Variants in SRPK2 observed in about 807,000 individuals in gnomAD.
SRPK2 encodes SFRS protein kinase 2.
In SRPK2, 21 loss-of-function variants were observed where a neutral mutation model predicts 90.8. That is an observed-to-expected ratio of 0.23 (90% CI 0.16 to 0.33). The LOEUF is 0.33. Ranked by LOEUF, SRPK2 falls within the 10% of genes least tolerant of loss-of-function variation. The probability of loss-of-function intolerance (pLI) is 1.00; values close to 1 mark genes in which losing one functional copy is unlikely to be tolerated. For missense variants in SRPK2, 620 were observed against 869.0 expected, an observed-to-expected ratio of 0.71 and a Z score of 3.60; for synonymous variants, 288 against 311.1, an observed-to-expected ratio of 0.93 and a Z score of 0.78.
chr7:105,216,669 A>AAG (rs1274316428), intron 2 of SRPK2, among the ~76,000 whole-genome samples: 45 of 149,300 alleles, frequency 3.0e-4, no homozygotes, highest in South Asian at 4.2e-4. Context: ...AAAAAAAAAA[A>AAG]AGAGAGAGAG....
intron 1 of SRPK2, among the ~76,000 whole-genome samples, chr7:105,396,370 C>CT (rs572160025): frequency 2.0e-5 from 3 of 151,504 alleles, no homozygotes; most frequent in Admixed American, 6.6e-5. Flanking sequence ...GGCGTGGTGG[C>CT]TTCATGCCTG....
chr7:105,207,051 G>A (rs1360322615), intron 2 of SRPK2, among the ~76,000 whole-genome samples: 1 of 152,180 alleles, frequency 6.6e-6, no homozygotes, highest in Non-Finnish European at 1.5e-5. Context: ...CCTTGTTACT[G>A]TCTACCACAT....
At chr7:105,268,928 T>C (rs998172036) in intron 2 of SRPK2, 5 of 1,531,094 alleles carry the variant, frequency 3.3e-6, no homozygotes, top group Middle Eastern at 1.7e-4. Context: ...TCAAGCCTTA[T>C]ATCAAGAGAT....
At position 105,116,514 on chromosome 7, in the gene SRPK2, G is replaced by A. The variant is rs1421865743; in HGVS notation, c.*1324C>T. 6.6e-6 allele frequency: 1 copy of A among 152,542 alleles called. No homozygotes were observed. The highest frequency in any genetic ancestry group is 1.5e-5 in the Non-Finnish European group (1 of 68,008). 9.4% of individuals were successfully genotyped at this position (152,542 alleles called of 1,614,324 possible). A position where few individuals can be genotyped will look rare whatever the true frequency, so the allele number is the denominator to read the frequency against. ...ATATGGATAAATGTTAATGGACAAA[G>A]TCAAAAACGAGGCACCTTAATGAAT... is the stretch of plus-strand genomic sequence containing the variant. On this transcript the variant is annotated 3_prime_UTR_variant, in exon 16 of 16. Transcript: ENST00000393651.
intron 2 of SRPK2, among the ~76,000 whole-genome samples, chr7:105,284,900 A>C (rs978457947): frequency 6.6e-6 from 1 of 152,228 alleles, no homozygotes; most frequent in African/African-American, 2.4e-5. Flanking sequence ...CATAGGCACC[A>C]ACTAAAAATC....
chr7:105,170,569 C>T (rs1790683913), intron 3 of SRPK2, among the ~76,000 whole-genome samples: 1 of 151,328 alleles, frequency 6.6e-6, no homozygotes, highest in African/African-American at 2.4e-5. Context: ...TGGCGAACTC[C>T]TGTAATCCCA....
intron 2 of SRPK2, among the ~76,000 whole-genome samples, chr7:105,236,531 A>G (rs540310654): frequency 1.3e-5 from 2 of 152,192 alleles, no homozygotes; most frequent in Non-Finnish European, 2.9e-5. Flanking sequence ...GGGGGAAAAT[A>G]GGTTTTATTC....
At chr7:105,381,228 A>T (rs1490806003) in intron 2 of SRPK2, among the ~76,000 whole-genome samples, 1 of 152,128 alleles carries the variant, frequency 6.6e-6, no homozygotes, top group South Asian at 2.1e-4. Context: ...TGGGTGACAG[A>T]GCAAGACTGC....
At chr7:105,294,795 G>A (rs371993065) in intron 2 of SRPK2, among the ~76,000 whole-genome samples, 2 of 152,220 alleles carry the variant, frequency 1.3e-5, no homozygotes, top group African/African-American at 2.4e-5. Context: ...CAAAGAGCTG[G>A]AATTACAGGT....
At chr7:105,380,470 T>C (rs1474800546) in intron 2 of SRPK2, among the ~76,000 whole-genome samples, 15 of 151,436 alleles carry the variant, frequency 9.9e-5, no homozygotes, top group Non-Finnish European at 1.8e-4. Flanking sequence ...CATGCACAAG[T>C]AAAAGAATAA....
intron 2 of SRPK2, among the ~76,000 whole-genome samples, chr7:105,378,712 G>A (rs112615342): frequency 0.42 from 61,819 of 148,952 alleles, 14,931 homozygotes; most frequent in Non-Finnish European, 0.54. Flanking sequence ...GCAGTGAGCC[G>A]AGATCATGCC....
At chr7:105,390,917 T>C (rs1042053299), upstream of SRPK2, among the ~76,000 whole-genome samples, 2 of 152,176 alleles carry the variant, frequency 1.3e-5, no homozygotes, top group Admixed American at 1.3e-4. Context: ...GTTGTATTCA[T>C]CTTAGTGCAT....
intron 3 of SRPK2, among the ~76,000 whole-genome samples, chr7:105,188,780 T>C (rs528999590): frequency 1.3e-5 from 2 of 152,318 alleles, no homozygotes; most frequent in South Asian, 2.1e-4. Flanking sequence ...AGAGAAAAGA[T>C]ATTACTCGTA....
intron 2 of SRPK2, among the ~76,000 whole-genome samples, chr7:105,237,703 C>T (rs947086323): frequency 6.6e-5 from 10 of 152,062 alleles, no homozygotes; most frequent in African/African-American, 2.2e-4. Flanking sequence ...TCACAAAGAC[C>T]GAATGGGGAT....
At chr7:105,284,043 C>A (rs1807700331) in intron 2 of SRPK2, among the ~76,000 whole-genome samples, 1 of 152,102 alleles carries the variant, frequency 6.6e-6, no homozygotes. Context: ...TGACAAGTTA[C>A]TTGGGCGTTT....
chr7:105,393,459 C>CTTT (rs58162170), upstream of SRPK2, among the ~76,000 whole-genome samples: 2 of 81,208 alleles, frequency 2.5e-5, no homozygotes, highest in African/African-American at 4.4e-5. Context: ...TCTGGTTTTT[C>CTTT]TTTTTTTTTT....
At chr7:105,315,396 C>A (rs557927186) in intron 2 of SRPK2, among the ~76,000 whole-genome samples, 1 of 152,086 alleles carries the variant, frequency 6.6e-6, no homozygotes, top group South Asian at 2.1e-4. Flanking sequence ...TGTTTCTTAA[C>A]AGAAAAAAAT....
chr7:105,368,657 G>A (rs999348770), intron 2 of SRPK2, among the ~76,000 whole-genome samples: 3 of 152,088 alleles, frequency 2.0e-5, no homozygotes, highest in African/African-American at 7.2e-5. Context: ...GGCCAGGGTT[G>A]GTGGATCACT....
At chr7:105,122,005 G>A (rs139241600) in intron 15 of SRPK2, among the ~76,000 whole-genome samples, 33 of 152,296 alleles carry the variant, frequency 2.2e-4, no homozygotes, top group Non-Finnish European at 2.6e-4. Flanking sequence ...TTGTGTACAC[G>A]TAGAAAGTAA....
Sources: gnomAD v4.1 joint callset for allele counts (sites outside exome capture counted in the v4.1 genomes callset) on GRCh38, gnomAD v4.1.1 for gene constraint, MANE v1.5 for transcripts, NCBI Gene and HGNC (gene_info 2026-07-23, HGNC 2026-07-21) for gene names.